Variants in SH3BP5L observed in about 807,000 individuals in gnomAD.
SH3BP5L encodes SH3 domain-binding protein 5-like.
In SH3BP5L, 16 loss-of-function variants were observed where a neutral mutation model predicts 40.9. The observed-to-expected ratio is 0.39, with a 90% CI of 0.27 to 0.59. SH3BP5L has a LOEUF of 0.59. SH3BP5L is among the 20% of genes least tolerant of loss of function. SH3BP5L has a pLI of 0.53. For missense variants in SH3BP5L, 471 were observed against 544.6 expected (o/e 0.86, Z 1.35); for synonymous variants, 229 against 226.7 (o/e 1.01, Z -0.09).
At chr1:248,825,500 A>G (rs772849537) in intron 1 of SH3BP5L, 134 bp from the exon 2 acceptor site, 32 of 490,654 alleles carry the variant, frequency 6.5e-5, no homozygotes, top group Non-Finnish European at 8.5e-5. Flanking sequence ...ACCAGTCCCT[A>G]CCTCAACTTC....
rs1328455654 is a variant in SH3BP5L, at chr1:248,821,260, A to G, written c.183+3493T>C. On this transcript the variant is annotated intron_variant, in intron 2 of 6. Transcript: ENST00000366472. The surrounding 1 kb of genome is among the most constrained non-coding windows in gnomAD (Gnocchi z 4.6). The stretch of plus-strand genomic sequence containing the variant: ...GCTTCACCAGGGACTCCTGGCACTC[A>G]GCTGAAACGGAATTTGGGGAGGACA... 1 of 152,350 alleles carries G rather than the reference A, an allele frequency of 6.6e-6. No homozygotes were observed. The highest frequency in any genetic ancestry group is 1.5e-5 in the Non-Finnish European group (1 of 68,148). 9.4% of individuals were successfully genotyped at this position (152,350 alleles called of 1,614,324 possible).
intron 2 of SH3BP5L, among the ~76,000 whole-genome samples, chr1:248,819,303 A>C (rs1664190718): frequency 6.6e-6 from 1 of 151,922 alleles, no homozygotes; most frequent in Non-Finnish European, 1.5e-5. Flanking sequence ...TAAACTAGGG[A>C]TGTCCAATCT....
In SH3BP5L at chr1:248,825,059, G is replaced by A. The variant is rs1296450589; in HGVS notation, c.-124C>T. The A allele has an allele frequency of 6.9e-7, 1 of 1,444,612 alleles. No homozygotes were observed. 89.5% of individuals were successfully genotyped at this position (1,444,612 alleles called of 1,614,324 possible). A position where few individuals can be genotyped will look rare whatever the true frequency, so the allele number is the denominator to read the frequency against. Reference sequence around the variant, plus strand: ...GAAGAGTTTCTCTTCTCAAAAGGCAGAAAAGGTGGGCACAGGAAGAACCTC... The same window carrying A: ...GAAGAGTTTCTCTTCTCAAAAGGCAAAAAAGGTGGGCACAGGAAGAACCTC... On this transcript the variant is annotated 5_prime_UTR_variant, in exon 2 of 7. Coordinates refer to ENST00000366472, the MANE Select transcript of SH3BP5L (RefSeq NM_030645.3).
At position 248,811,473 on chromosome 1, in the gene SH3BP5L, G is replaced by A. The variant is rs1393300568; in HGVS notation, c.*427C>T. The A allele has an allele frequency of 6.0e-6, 1 of 167,522 alleles. No homozygotes were observed. Among genetic ancestry groups the A allele is most frequent in the Non-Finnish European group, 1.3e-5 (1 of 78,630 alleles). 10.4% of individuals were successfully genotyped at this position (167,522 alleles called of 1,614,324 possible). ...CTGGAAACCAACGGGAGGGGTGACTGTCCATCCCCTCCGACGGGAGTACTC... is the reference window on the plus strand; with the variant it reads ...CTGGAAACCAACGGGAGGGGTGACTATCCATCCCCTCCGACGGGAGTACTC... On this transcript the variant is annotated 3_prime_UTR_variant, in exon 7 of 7. Coordinates refer to ENST00000366472, the MANE Select transcript of SH3BP5L (RefSeq NM_030645.3).
intron 2 of SH3BP5L, among the ~76,000 whole-genome samples, chr1:248,822,546 C>G (rs1231067796): frequency 6.6e-6 from 1 of 152,188 alleles, no homozygotes; most frequent in African/African-American, 2.4e-5. Context: ...TCACTGGAGG[C>G]AAAGTAAGTC....
chr1:248,816,474 GA>G, intron 4 of SH3BP5L, 59 bp downstream of exon 4: 3 of 1,607,640 alleles, frequency 1.9e-6, no homozygotes, highest in Non-Finnish European at 2.5e-6. Context: ...TATAGAGACA[GA>G]AGAATCCAGG....
At chr1:248,825,564 C>G (rs1297069614) in intron 1 of SH3BP5L, 198 bp from the exon 2 acceptor site, 3 of 218,938 alleles carry the variant, frequency 1.4e-5, no homozygotes, top group South Asian at 3.2e-4. Flanking sequence ...CCCAGCTCCT[C>G]TCGACCCAGG....
rs1227414614 is a variant in SH3BP5L, at chr1:248,810,788, G to C, written c.*1112C>G. 2 of 152,512 alleles carry C rather than the reference G, an allele frequency of 1.3e-5. No individual in the cohort carries two copies. 9.4% of individuals were successfully genotyped at this position (152,512 alleles called of 1,614,324 possible). A position where few individuals can be genotyped will look rare whatever the true frequency, so the allele number is the denominator to read the frequency against. On this transcript the variant is annotated 3_prime_UTR_variant, in exon 7 of 7. Coordinates refer to ENST00000366472, the MANE Select transcript of SH3BP5L (RefSeq NM_030645.3). ...AACTGGGAGCACTGCCAGGCAGCTGGAGCTGCTCCCTGCGGAGGGCAGAAC... is the reference window on the plus strand; with the variant it reads ...AACTGGGAGCACTGCCAGGCAGCTGCAGCTGCTCCCTGCGGAGGGCAGAAC...
intron 2 of SH3BP5L, among the ~76,000 whole-genome samples, chr1:248,824,302 G>A (rs753726679): frequency 2.6e-5 from 4 of 152,278 alleles, no homozygotes; most frequent in African/African-American, 9.6e-5. Context: ...GGAAGGTACC[G>A]CTGAGAAGGT....
Position 248,813,012 on chromosome 1 carries a change from C to T in SH3BP5L, c.688G>A (p.Ala230Thr). The T allele has an allele frequency of 6.2e-7, 1 of 1,600,318 alleles. No individual in the cohort carries two copies. The highest frequency in any genetic ancestry group is 1.7e-5 in the Admixed American group (1 of 59,076). ...ACCTCCAGGATCTGGCTGAACTGGG[C>T]CTTGAGCTCAAAGTAGGGGCGGCTC... ...GKSRPYFELK[A>T]QFSQILEEHK... The change falls in exon 6 of 7, where the codon GCC (alanine) becomes ACC (threonine). Residue 230 changes from alanine (A) to threonine (T), a missense_variant. Coordinates refer to ENST00000366472, the MANE Select transcript of SH3BP5L (RefSeq NM_030645.3).
chr1:248,814,339 G>T, intron 5 of SH3BP5L, 110 bp downstream of exon 5: 3 of 1,275,046 alleles, frequency 2.4e-6, no homozygotes, highest in Non-Finnish European at 3.3e-6. Context: ...CAGAATCAAA[G>T]TTGAAAGAAG....
At chr1:248,822,351 A>G (rs2103019179) in intron 2 of SH3BP5L, among the ~76,000 whole-genome samples, 1 of 152,326 alleles carries the variant, frequency 6.6e-6, no homozygotes, top group East Asian at 1.9e-4. Flanking sequence ...TCACACAGCA[A>G]GAAGACACTG....
At chr1:248,813,441 T>C in intron 5 of SH3BP5L, 1 of 371,620 alleles carries the variant, frequency 2.7e-6, no homozygotes, top group Non-Finnish European at 4.8e-6. Context: ...TCTTGCCTAG[T>C]GTCACCTGCA....
chr1:248,825,798 A>C (rs1572188740), intron 1 of SH3BP5L, 37 bp downstream of exon 1: 2 of 796,478 alleles, frequency 2.5e-6, no homozygotes, highest in Non-Finnish European at 3.0e-6. Flanking sequence ...CGTCCATTCT[A>C]CCCAGCCATG....
In SH3BP5L at chr1:248,811,857, G is replaced by C. The variant is rs566758043; in HGVS notation, c.*43C>G. On this transcript the variant is annotated 3_prime_UTR_variant, in exon 7 of 7. Coordinates refer to ENST00000366472, the MANE Select transcript of SH3BP5L (RefSeq NM_030645.3). ...CGTGAGAAGACTGTGGGCCCCAACCGGCCCGTGGTGGCAGATTCAAGCCAG... is the reference window on the plus strand; with the variant it reads ...CGTGAGAAGACTGTGGGCCCCAACCCGCCCGTGGTGGCAGATTCAAGCCAG... The C allele has an allele frequency of 1.4e-6, 2 of 1,384,488 alleles. No homozygotes were observed. The highest frequency in any genetic ancestry group is 2.8e-5 in the South Asian group (2 of 71,738). 85.8% of individuals were successfully genotyped at this position (1,384,488 alleles called of 1,614,324 possible).
At chr1:248,822,733 G>T (rs1447416986) in intron 2 of SH3BP5L, among the ~76,000 whole-genome samples, 3 of 150,800 alleles carry the variant, frequency 2.0e-5, no homozygotes, top group Admixed American at 6.6e-5. Context: ...GCAGATCTCA[G>T]CTCACTGCAA....
rs770104352 is a variant in SH3BP5L, at chr1:248,825,064, G to A, written c.-129C>T. 14 of 1,438,264 alleles carry A rather than the reference G, an allele frequency of 9.7e-6. No homozygotes were observed. Among genetic ancestry groups the A allele is most frequent in the Non-Finnish European group, 1.2e-5 (13 of 1,101,526 alleles). The allele number at this position is 1,438,264 out of a possible 1,614,324, so 89.1% of individuals were successfully genotyped here. On this transcript the variant is annotated 5_prime_UTR_variant, in exon 2 of 7. Transcript: ENST00000366472. ...GTTTCTCTTCTCAAAAGGCAGAAAAGGTGGGCACAGGAAGAACCTCACACT... is the reference window on the plus strand; with the variant it reads ...GTTTCTCTTCTCAAAAGGCAGAAAAAGTGGGCACAGGAAGAACCTCACACT...
chr1:248,822,727 A>G (rs1037586347), intron 2 of SH3BP5L, among the ~76,000 whole-genome samples: 1 of 149,914 alleles, frequency 6.7e-6, no homozygotes, highest in Non-Finnish European at 1.5e-5. Context: ...GCAGTGGCAG[A>G]TCTCAGCTCA....
At position 248,825,058 on chromosome 1, in the gene SH3BP5L, A is replaced by G; in HGVS notation, c.-123T>C. On this transcript the variant is annotated 5_prime_UTR_variant, in exon 2 of 7. Transcript: ENST00000366472. ...AGAAGAGTTTCTCTTCTCAAAAGGC[A>G]GAAAAGGTGGGCACAGGAAGAACCT... 6.9e-7 allele frequency: 1 copy of G among 1,447,448 alleles called. No homozygotes were observed. Among genetic ancestry groups the G allele is most frequent in the Non-Finnish European group, 9.0e-7 (1 of 1,106,210 alleles). 89.7% of individuals were successfully genotyped at this position (1,447,448 alleles called of 1,614,324 possible). A position where few individuals can be genotyped will look rare whatever the true frequency, so the allele number is the denominator to read the frequency against.
Sources: allele counts gnomAD v4.1 joint callset (sites outside exome capture counted in the v4.1 genomes callset), GRCh38; gene constraint gnomAD v4.1.1; non-coding constraint Gnocchi (gnomAD v3.1); transcripts MANE v1.5; gene names NCBI Gene and HGNC (gene_info 2026-07-23, HGNC 2026-07-21).